Variants in ATP2B2 observed in about 807,000 individuals in gnomAD.
ATP2B2 encodes plasma membrane calcium-transporting ATPase 2.
In ATP2B2, 15 loss-of-function variants were observed where a neutral mutation model predicts 120.0. The ratio of observed to expected loss-of-function variants is 0.12; its 90% CI spans 0.08 to 0.19. The LOEUF (loss-of-function observed/expected upper bound fraction) is 0.19, where lower values mean the gene tolerates loss of function less well. ATP2B2 is among the 10% of genes least tolerant of loss of function. ATP2B2 has a pLI of 1.00. For synonymous variants in ATP2B2, 694 were observed against 700.3 expected, an observed-to-expected ratio of 0.99 and a Z score of 0.14; for missense variants, 1,045 against 1,719.8, an observed-to-expected ratio of 0.61 and a Z score of 6.94.
At chr3:10,419,952 T>C (rs1468151402) in intron 2 of ATP2B2, among the ~76,000 whole-genome samples, 2 of 152,174 alleles carry the variant, frequency 1.3e-5, no homozygotes, top group African/African-American at 4.8e-5. Flanking sequence ...GAATGGTGAG[T>C]GCTTTCTGGG....
intron 12 of ATP2B2, 76 bp from the exon 13 acceptor site, chr3:10,360,199 C>A: frequency 6.6e-7 from 1 of 1,510,444 alleles, no homozygotes; most frequent in Non-Finnish European, 8.8e-7. Context: ...GCCACTGAGG[C>A]TCTGGGACTG....
chr3:10,650,616 G>T (rs1404979140), intron 1 of ATP2B2, among the ~76,000 whole-genome samples: 1 of 152,250 alleles, frequency 6.6e-6, no homozygotes, highest in Non-Finnish European at 1.5e-5. Flanking sequence ...TCCAGGACAT[G>T]TTGGAGGTCT....
chr3:10,367,825 C>A (rs2061110464), intron 12 of ATP2B2, among the ~76,000 whole-genome samples: 1 of 152,204 alleles, frequency 6.6e-6, no homozygotes, highest in Non-Finnish European at 1.5e-5. Flanking sequence ...TCATACAAAG[C>A]AAGGTAGGGA....
chr3:10,649,930 G>A (rs1178900489), intron 1 of ATP2B2, among the ~76,000 whole-genome samples: 1 of 152,230 alleles, frequency 6.6e-6, no homozygotes, highest in Non-Finnish European at 1.5e-5. Flanking sequence ...ACGTGGAAGT[G>A]TAAGTCCAAT....
chr3:10,654,645 T>C (rs1344859992), intron 1 of ATP2B2, among the ~76,000 whole-genome samples: 1 of 152,000 alleles, frequency 6.6e-6, no homozygotes, highest in African/African-American at 2.4e-5. Context: ...ATTTATCCTG[T>C]GCAATCTAGT....
In ATP2B2 at chr3:10,375,602, T is replaced by C; in HGVS notation, c.1244A>G (p.Tyr415Cys). The C allele has an allele frequency of 6.8e-6, 11 of 1,613,752 alleles. No individual in the cohort carries two copies. The highest frequency in any genetic ancestry group is 8.5e-6 in the Non-Finnish European group (10 of 1,180,028). Residue 415 changes from tyrosine (Y) to cysteine (C), a missense_variant, in exon 11 of 23, where the codon TAC (tyrosine) becomes TGC (cysteine). By Grantham distance (194) the Tyr-to-Cys change is radical (BLOSUM62 -2). Around this residue, in one of 11 missense-constraint regions of ATP2B2, gnomAD observed 343 missense variants for 536.8 expected, o/e 0.64. Transcript: ENST00000360273. This position sits in a 1 kb window ranked among gnomAD's most constrained non-coding sequence, Gnocchi z 4.2. The part of the protein sequence containing the change: ...SAITVIILVL[Y>C]FTVDTFVVNK... ...GACCACGAAGGTGTCCACAGTGAAG[T>C]AGAGCACCAGGATGATCACCGTGAT...
intron 5 of ATP2B2, among the ~76,000 whole-genome samples, chr3:10,397,985 C>T (rs1395962868): frequency 1.3e-5 from 2 of 152,188 alleles, no homozygotes; most frequent in African/African-American, 2.4e-5. Context: ...ACTCCTTTGC[C>T]CTGCTGACTC....
chr3:10,522,385 C>A (rs946872916), intron 3 of ATP2B2, among the ~76,000 whole-genome samples: 9 of 152,134 alleles, frequency 5.9e-5, no homozygotes, highest in Admixed American at 1.3e-4. Flanking sequence ...GATTTGATCC[C>A]ATATCTGTTT....
At chr3:10,561,657 C>T (rs2067906045) in intron 2 of ATP2B2, among the ~76,000 whole-genome samples, 2 of 152,214 alleles carry the variant, frequency 1.3e-5, no homozygotes, top group Admixed American at 6.5e-5. Flanking sequence ...GGGCAGTTTC[C>T]CCCATACTGT....
intron 1 of ATP2B2, among the ~76,000 whole-genome samples, chr3:10,502,252 C>T (rs986054194): frequency 6.6e-6 from 1 of 152,246 alleles, no homozygotes; most frequent in African/African-American, 2.4e-5. Flanking sequence ...CCAATCACAC[C>T]TTCGTGCACA....
At chr3:10,463,192 A>G (rs769543914) in intron 1 of ATP2B2, among the ~76,000 whole-genome samples, 1 of 151,540 alleles carries the variant, frequency 6.6e-6, no homozygotes, top group African/African-American at 2.4e-5. Flanking sequence ...CCATACTTTG[A>G]CCCTCCACCC....
At chr3:10,599,731 C>G (rs978236525) in intron 2 of ATP2B2, among the ~76,000 whole-genome samples, 5 of 145,378 alleles carry the variant, frequency 3.4e-5, no homozygotes, top group Admixed American at 2.9e-4. Context: ...TGACTGAGTA[C>G]GTGATCTGTG....
intron 18 of ATP2B2, among the ~76,000 whole-genome samples, chr3:10,344,066 G>C (rs1195269291): frequency 6.6e-6 from 1 of 151,976 alleles, no homozygotes; most frequent in Non-Finnish European, 1.5e-5. Context: ...CCTGCTCCTG[G>C]CTTTCTCTCT....
chr3:10,353,311 G>A (rs560551959), intron 14 of ATP2B2, among the ~76,000 whole-genome samples: 208 of 152,336 alleles, frequency 1.4e-3, no homozygotes, highest in Non-Finnish European at 2.1e-3. Flanking sequence ...GAAAGTGGGT[G>A]GGGAGGAGAA....
intron 1 of ATP2B2, among the ~76,000 whole-genome samples, chr3:10,477,328 C>T (rs2065242234): frequency 6.6e-6 from 1 of 152,222 alleles, no homozygotes; most frequent in Non-Finnish European, 1.5e-5. Flanking sequence ...GTAGCTTTTA[C>T]AAGTAGGTCT....
At chr3:10,547,468 G>A (rs1033488683) in intron 2 of ATP2B2, among the ~76,000 whole-genome samples, 3 of 152,092 alleles carry the variant, frequency 2.0e-5, no homozygotes, top group East Asian at 1.9e-4. Context: ...GCTGGCCCAC[G>A]GTCACACCTT....
intron 2 of ATP2B2, among the ~76,000 whole-genome samples, chr3:10,567,257 G>C (rs2068029704): frequency 6.6e-6 from 1 of 152,244 alleles, no homozygotes; most frequent in Admixed American, 6.5e-5. Context: ...ATGTTGCAGT[G>C]AAAGTGGGTT....
At chr3:10,625,655 A>T (rs749523226) in intron 1 of ATP2B2, among the ~76,000 whole-genome samples, 2 of 152,048 alleles carry the variant, frequency 1.3e-5, no homozygotes, top group Non-Finnish European at 2.9e-5. Flanking sequence ...GGCTTGGAGG[A>T]GAGTGGCCAG....
intron 1 of ATP2B2, among the ~76,000 whole-genome samples, chr3:10,504,089 T>G (rs1455453212): frequency 6.6e-6 from 1 of 152,204 alleles, no homozygotes; most frequent in Non-Finnish European, 1.5e-5. Context: ...TTTGTGGGCA[T>G]GCATATGCCC....
Sources: gnomAD v4.1 joint callset for allele counts (sites outside exome capture counted in the v4.1 genomes callset) on GRCh38, gnomAD v4.1.1 for gene constraint, gnomAD v4.1.1 regional missense constraint, Gnocchi (gnomAD v3.1) non-coding constraint, MANE v1.5 for transcripts, NCBI Gene and HGNC (gene_info 2026-07-23, HGNC 2026-07-21) for gene names.